The following AMACR variants were observed in gnomAD, a reference collection of about 807,000 sequenced individuals.
AMACR encodes alpha-methylacyl-CoA racemase.
AMACR carries 18 observed loss-of-function variants against 22.2 expected under a neutral mutation model. The ratio of observed to expected loss-of-function variants is 0.81; its 90% confidence interval spans 0.56 to 1.20. AMACR has a LOEUF of 1.20. AMACR is among the 50% of genes most tolerant of loss of function. The pLI, the probability that AMACR is intolerant of heterozygous loss-of-function variation, is 0.00. For missense variants in AMACR, 499 were observed against 490.6 expected (o/e 1.02, Z -0.16); for synonymous variants, 213 against 191.3 (o/e 1.11, Z -0.94).
chr5:34,005,653 T>C (rs1753949262), intron 2 of AMACR, 103 bp downstream of exon 2: 1 of 1,406,672 alleles, frequency 7.1e-7, no homozygotes, highest in South Asian at 1.3e-5. Flanking sequence ...TTGATTCTGA[T>C]AAATGTTTAA....
intron 4 of AMACR, chr5:33,997,028 T>C (rs1753658307): frequency 3.0e-6 from 2 of 660,324 alleles, no homozygotes; most frequent in South Asian, 1.6e-5. Context: ...TTTATTTTCA[T>C]TAAAACTTAT....
At chr5:34,001,115 A>T (rs1458915439) in intron 3 of AMACR, among the ~76,000 whole-genome samples, 8 of 152,176 alleles carry the variant, frequency 5.3e-5, no homozygotes, top group Admixed American at 3.3e-4. Context: ...CTCTTGCCCC[A>T]TCACTCATAT....
intron 1 of AMACR, among the ~76,000 whole-genome samples, chr5:34,006,877 C>G (rs1285134476): frequency 1.3e-5 from 2 of 152,238 alleles, no homozygotes; most frequent in African/African-American, 4.8e-5. Flanking sequence ...GTTATTCTGG[C>G]AGCTGTCTGA....
rs181341030 is a variant in AMACR, at chr5:33,989,398, C to G, written c.844G>C (p.Glu282Gln). The part of the protein sequence containing the change: ...ADVFAEKTKA[E>Q]WCQIFDGTDA... ...GTGCCGTCAAAGATTTGACACCACT[C>G]TGCCTTCGTCTTCTCTGCAAATACA... Residue 282 changes from glutamate to glutamine, a missense_variant, in exon 5 of 5, where the codon GAG (glutamate) becomes CAG (glutamine). Physicochemically the swap from Glu to Gln is conservative, Grantham distance 29. Coordinates refer to ENST00000335606, the MANE Select transcript of AMACR (RefSeq NM_014324.6). 382 of 1,614,212 alleles carry G rather than the reference C, an allele frequency of 2.4e-4. 5 individuals are homozygous for G. In the East Asian group the frequency reaches 4.8e-3, roughly 20 times the overall value.
chr5:33,999,951 T>A (rs1187398291), intron 3 of AMACR, among the ~76,000 whole-genome samples: 1 of 152,214 alleles, frequency 6.6e-6, no homozygotes, highest in Non-Finnish European at 1.5e-5. Context: ...CACATATGCA[T>A]GTATATGCGC....
chr5:33,995,594 A>G (rs1032660515), intron 4 of AMACR, among the ~76,000 whole-genome samples: 1 of 152,192 alleles, frequency 6.6e-6, no homozygotes, highest in Non-Finnish European at 1.5e-5. Context: ...ACATCTTCCA[A>G]TTGACCGCAA....
chr5:34,004,072 C>G (rs1395722574), intron 3 of AMACR, among the ~76,000 whole-genome samples: 2 of 152,188 alleles, frequency 1.3e-5, no homozygotes, highest in African/African-American at 2.4e-5. Flanking sequence ...AGTGAACAAA[C>G]AGAAGTGTTA....
Position 33,988,749 on chromosome 5 carries a change from T to G in AMACR, c.*344A>C. 2 of 1,203,378 alleles carry G rather than the reference T, an allele frequency of 1.7e-6. No individual in the cohort carries two copies. Among genetic ancestry groups the G allele is most frequent in the Non-Finnish European group, 2.1e-6 (2 of 964,962 alleles). 74.5% of individuals were successfully genotyped at this position (1,203,378 alleles called of 1,614,324 possible). ...TTGTAGAATCAAGAGTGTAAATAAA[T>G]GTATATCGATGTCTTCAAGAATATA... On this transcript the variant is annotated 3_prime_UTR_variant, in exon 5 of 5. Transcript: ENST00000335606.
intron 3 of AMACR, among the ~76,000 whole-genome samples, chr5:33,999,217 A>G (rs573670760): frequency 2.6e-5 from 4 of 152,254 alleles, no homozygotes; most frequent in Non-Finnish European, 5.9e-5. Context: ...GAGCTTTTAA[A>G]AATCCATCTT....
At chr5:34,005,458 C>T in intron 2 of AMACR, among the ~76,000 whole-genome samples, 1 of 152,098 alleles carries the variant, frequency 6.6e-6, no homozygotes, top group South Asian at 2.1e-4. Flanking sequence ...ATCCGTAGTA[C>T]CCAGTAAGCC....
At position 34,003,654 on chromosome 5, in the gene AMACR, G is replaced by C. The variant is rs1043241233; in HGVS notation, c.552+920C>G. 2.6e-5 allele frequency among the ~76,000 whole-genome samples: 4 copies of C among 152,272 alleles called. No individual in the cohort carries two copies. In the South Asian group the frequency reaches 8.3e-4, roughly 32 times the overall value. The stretch of plus-strand genomic sequence containing the variant: ...GGTCATCTAAGCCAGAAACCTGGGA[G>C]CCAGCCTCAACTTCTCCCTCTTCGC... On this transcript the variant is annotated intron_variant, in intron 3 of 4. Transcript: ENST00000335606.
chr5:34,007,692 C>A, intron 1 of AMACR, 81 bp downstream of exon 1: 1 of 1,447,176 alleles, frequency 6.9e-7, no homozygotes, highest in South Asian at 1.4e-5. Context: ...AAAGGTGTGG[C>A]GGGTGCAGCC....
intron 3 of AMACR, among the ~76,000 whole-genome samples, chr5:33,999,390 A>G (rs1288586205): frequency 6.6e-6 from 1 of 152,236 alleles, no homozygotes; most frequent in African/African-American, 2.4e-5. Context: ...AAGTTATAAA[A>G]TAAACTAACA....
chr5:34,007,637 A>T, intron 1 of AMACR, 136 bp downstream of exon 1: 10 of 1,334,568 alleles, frequency 7.5e-6, no homozygotes, highest in Non-Finnish European at 9.8e-6. Flanking sequence ...AGGAGGCAAA[A>T]ATCTGGAAGG....
At position 33,995,437 on chromosome 5, in the gene AMACR, T is replaced by C. The variant is rs550827687; in HGVS notation, c.739+3204A>G. On this transcript the variant is annotated intron_variant, in intron 4 of 4. Transcript: ENST00000335606. ...CTGTTAAGAATGAATCTTATATTCA[T>C]GAGATTGTGAAGAAGGGGAGAAGGA... Among the ~76,000 whole-genome samples, 6 of 152,362 alleles carry C rather than the reference T, an allele frequency of 3.9e-5. No homozygotes were observed. In the South Asian group the frequency reaches 1.2e-3, roughly 32 times the overall value.
At position 33,998,710 on chromosome 5, in the gene AMACR, T is replaced by C. The variant is rs1348790589; in HGVS notation, c.670A>G (p.Arg224Gly). The change falls in exon 4 of 5, where the codon AGG (arginine) becomes GGG (glycine). Residue 224 changes from arginine (R) to glycine (G), a missense_variant. By Grantham distance (125) the Arg-to-Gly change is moderately radical. Coordinates refer to ENST00000335606, the MANE Select transcript of AMACR (RefSeq NM_014324.6). ...DGGAPFYTTY[R>G]TADGEFMAVG... is the part of the protein sequence containing the mutation. ...GCCATGAATTCCCCATCTGCTGTCCTGTAAGTCGTATAGAAAGGTGCTCCA... is the reference window on the plus strand; with the variant it reads ...GCCATGAATTCCCCATCTGCTGTCCCGTAAGTCGTATAGAAAGGTGCTCCA... 1.7e-5 allele frequency: 27 copies of C among 1,613,982 alleles called. No homozygotes were observed. The highest frequency in any genetic ancestry group is 2.7e-5 in the African/African-American group (2 of 74,910).
chr5:34,003,236 A>T (rs373547246), intron 3 of AMACR, among the ~76,000 whole-genome samples: 6 of 152,064 alleles, frequency 3.9e-5, no homozygotes, highest in Admixed American at 2.0e-4. Flanking sequence ...TGGCTCCCAA[A>T]TAACTCCGAA....
At chr5:34,000,623 G>A (rs760862272) in intron 3 of AMACR, among the ~76,000 whole-genome samples, 2 of 151,754 alleles carry the variant, frequency 1.3e-5, no homozygotes, top group African/African-American at 2.4e-5. Flanking sequence ...TCAGATTCCC[G>A]AGTAGCGGGA....
Position 33,989,266 on chromosome 5 carries a change from G to A in AMACR, c.976C>T (p.Arg326Cys), listed in dbSNP as rs371343345. The A allele has an allele frequency of 1.9e-5, 31 of 1,613,954 alleles. No homozygotes were observed. In the African/African-American group the frequency reaches 2.8e-4, roughly 15 times the overall value. The change falls in exon 5 of 5, where the codon CGC (arginine) becomes TGC (cysteine). Residue 326 changes from arginine (R) to cysteine (C), a missense_variant. Physicochemically the swap from Arg to Cys is radical, Grantham distance 180. Transcript: ENST00000335606. Reference sequence around the variant, plus strand: ...GTGTTTAACAGCAGAGGTGCAGGGCGGGGGCTCACGTCCTGCTCCTCACTG... The same window carrying A: ...GTGTTTAACAGCAGAGGTGCAGGGCAGGGGCTCACGTCCTGCTCCTCACTG... ...ITSEEQDVSPRPAPLLLNTPA... is the reference protein window; with the variant it reads ...ITSEEQDVSPCPAPLLLNTPA...
Sources: allele counts gnomAD v4.1 joint callset (sites outside exome capture counted in the v4.1 genomes callset), GRCh38; gene constraint gnomAD v4.1.1; transcripts MANE v1.5; gene names NCBI Gene and HGNC (gene_info 2026-07-23, HGNC 2026-07-21).